The following CNTNAP5 variants were observed in gnomAD, a reference collection of about 807,000 sequenced individuals.
The protein encoded by CNTNAP5 is contactin associated protein family member 5.
In CNTNAP5, 72 loss-of-function variants were observed where a neutral mutation model predicts 150.2. The observed-to-expected ratio is 0.48, with a 90% CI of 0.40 to 0.58. CNTNAP5 has a LOEUF of 0.58. Ranked by LOEUF, CNTNAP5 falls within the 20% of genes least tolerant of loss-of-function variation. The pLI is 0.00. For synonymous variants in CNTNAP5, 672 were observed against 619.8 expected (o/e 1.08, Z -1.25); for missense variants, 1,636 against 1,626.2 (o/e 1.01, Z -0.10).
chr2:124,296,072 C>T (rs755494254), intron 3 of CNTNAP5, among the ~76,000 whole-genome samples: 4 of 151,992 alleles, frequency 2.6e-5, no homozygotes, highest in Non-Finnish European at 5.9e-5. Flanking sequence ...CATATTTTGG[C>T]CTATTCTTTT....
chr2:124,675,220 T>C (rs1271682996), intron 13 of CNTNAP5, among the ~76,000 whole-genome samples: 1 of 152,130 alleles, frequency 6.6e-6, no homozygotes, highest in African/African-American at 2.4e-5. Context: ...TTAGTAACAA[T>C]TGATTTCTTA....
chr2:124,300,191 T>C (rs1011106220), intron 3 of CNTNAP5, among the ~76,000 whole-genome samples: 6 of 152,204 alleles, frequency 3.9e-5, no homozygotes, highest in African/African-American at 1.4e-4. Context: ...AATCTATGAG[T>C]ATCCACCTGT....
At chr2:124,524,566 A>C (rs1218859852) in intron 9 of CNTNAP5, 114 bp downstream of exon 9, 1 of 962,052 alleles carries the variant, frequency 1.0e-6, no homozygotes, top group African/African-American at 1.6e-5. Flanking sequence ...CCCAACACAC[A>C]AACACACACA....
chr2:124,642,286 G>T (rs551007879), intron 12 of CNTNAP5, among the ~76,000 whole-genome samples: 1 of 152,008 alleles, frequency 6.6e-6, no homozygotes, highest in Non-Finnish European at 1.5e-5. Flanking sequence ...TTTTGTTATT[G>T]TTGAGTGTGC....
At chr2:124,619,287 C>T (rs917400594) in intron 12 of CNTNAP5, among the ~76,000 whole-genome samples, 2 of 152,038 alleles carry the variant, frequency 1.3e-5, no homozygotes, top group African/African-American at 2.4e-5. Context: ...ATAAGGAGAC[C>T]TTGCAGGATG....
intron 3 of CNTNAP5, among the ~76,000 whole-genome samples, chr2:124,414,862 C>T (rs1439140598): frequency 6.6e-6 from 1 of 151,978 alleles, no homozygotes; most frequent in Non-Finnish European, 1.5e-5. Context: ...ACTCACATGC[C>T]TGGGGAGGTG....
chr2:124,214,959 T>C (rs549107112), intron 1 of CNTNAP5, among the ~76,000 whole-genome samples: 10 of 152,168 alleles, frequency 6.6e-5, no homozygotes, highest in Non-Finnish European at 1.5e-4. Flanking sequence ...TGAAGTAATG[T>C]ATCTTTTAGG....
At chr2:124,248,031 T>C (rs1344078681) in intron 3 of CNTNAP5, among the ~76,000 whole-genome samples, 1 of 152,208 alleles carries the variant, frequency 6.6e-6, no homozygotes, top group African/African-American at 2.4e-5. Flanking sequence ...GAACTTAGCA[T>C]GCCCAGAATC....
At chr2:124,468,213 C>T (rs183407083) in intron 6 of CNTNAP5, among the ~76,000 whole-genome samples, 1 of 152,202 alleles carries the variant, frequency 6.6e-6, no homozygotes, top group East Asian at 1.9e-4. Context: ...AATTGACTCA[C>T]ACAATCACAA....
chr2:124,476,209 A>T (rs1693636533), intron 7 of CNTNAP5, among the ~76,000 whole-genome samples: 1 of 152,042 alleles, frequency 6.6e-6, no homozygotes, highest in Admixed American at 6.6e-5. Context: ...TATTTTTAGA[A>T]CCATTTCTAT....
chr2:124,225,703 G>C (rs1686440764), intron 2 of CNTNAP5, among the ~76,000 whole-genome samples: 1 of 152,082 alleles, frequency 6.6e-6, no homozygotes, highest in South Asian at 2.1e-4. Flanking sequence ...TAGTCACCAT[G>C]CTGTACAATT....
chr2:124,706,797 G>GAAGAAGAAGAAGAAGAAA (rs1558743005), intron 13 of CNTNAP5, among the ~76,000 whole-genome samples: 3 of 11,034 alleles, frequency 2.7e-4, no homozygotes, highest in African/African-American at 8.9e-4. Flanking sequence ...AGAAGAAGAA[G>GAAGAAGAAGAAGAAGAAA]GAGGAGGAGG....
At chr2:124,120,455 T>C (rs1456058445) in intron 1 of CNTNAP5, among the ~76,000 whole-genome samples, 1 of 152,166 alleles carries the variant, frequency 6.6e-6, no homozygotes. Flanking sequence ...ACATAAACTC[T>C]GTCTTAAGAG....
At chr2:124,733,317 T>C (rs1184578034) in intron 13 of CNTNAP5, among the ~76,000 whole-genome samples, 4 of 152,104 alleles carry the variant, frequency 2.6e-5, no homozygotes, top group South Asian at 4.1e-4. Context: ...TAGTATGCAG[T>C]CAGTCAATAA....
At chr2:124,123,985 A>T (rs1449898979) in intron 1 of CNTNAP5, among the ~76,000 whole-genome samples, 2 of 152,102 alleles carry the variant, frequency 1.3e-5, no homozygotes, top group Non-Finnish European at 2.9e-5. Context: ...AAATACTAAA[A>T]ATCAGAGCAC....
chr2:124,320,070 G>T (rs1298879895), intron 3 of CNTNAP5, among the ~76,000 whole-genome samples: 4 of 152,076 alleles, frequency 2.6e-5, no homozygotes, highest in African/African-American at 9.7e-5. Flanking sequence ...TTTAGCCAAC[G>T]CTCCCTGTGT....
intron 10 of CNTNAP5, among the ~76,000 whole-genome samples, chr2:124,551,548 A>G (rs929089053): frequency 2.0e-5 from 3 of 152,212 alleles, no homozygotes; most frequent in African/African-American, 4.8e-5. Flanking sequence ...TATGCGCTTC[A>G]TAACACAGCT....
At chr2:124,565,039 G>T (rs1189276973) in intron 11 of CNTNAP5, among the ~76,000 whole-genome samples, 1 of 152,052 alleles carries the variant, frequency 6.6e-6, no homozygotes, top group Non-Finnish European at 1.5e-5. Flanking sequence ...CAATAGGGCT[G>T]GAACCCTGGG....
chr2:124,706,887 G>GGAAGAGGAAGAAGGAGAAGGA, intron 13 of CNTNAP5, among the ~76,000 whole-genome samples: 2 of 83,340 alleles, frequency 2.4e-5, no homozygotes, highest in Non-Finnish European at 4.5e-5. Flanking sequence ...AAGAAGAAGA[G>GGAAGAGGAAGAAGGAGAAGGA]GAAGAGGAAG....
Sources: gnomAD v4.1 joint callset for allele counts (sites outside exome capture counted in the v4.1 genomes callset) on GRCh38, gnomAD v4.1.1 for gene constraint, MANE v1.5 for transcripts, NCBI Gene and HGNC (gene_info 2026-07-23, HGNC 2026-07-21) for gene names.